Variants in ITGAV observed in about 807,000 individuals in gnomAD.
The protein encoded by ITGAV is integrin subunit alpha V, also known as integrin alpha-V.
In ITGAV, 76 loss-of-function variants were observed where a neutral mutation model predicts 143.8. The observed-to-expected ratio is 0.53, with a 90% CI of 0.44 to 0.64. ITGAV has a LOEUF of 0.64. Ranked by LOEUF, ITGAV falls within the 30% of genes least tolerant of loss-of-function variation. The pLI, the probability that ITGAV is intolerant of heterozygous loss-of-function variation, is 0.00. For synonymous variants in ITGAV, 453 were observed against 446.7 expected (o/e 1.01, Z -0.18); for missense variants, 1,193 against 1,274.7 (o/e 0.94, Z 0.98).
intron 2 of ITGAV, among the ~76,000 whole-genome samples, chr2:186,618,714 A>G (rs767444593): frequency 6.8e-6 from 1 of 148,096 alleles, no homozygotes; most frequent in Non-Finnish European, 1.5e-5. Flanking sequence ...CAGGAATATA[A>G]TAATTGAGAA....
chr2:186,649,446 T>TTA (rs1017914979), intron 13 of ITGAV, among the ~76,000 whole-genome samples: 20 of 151,970 alleles, frequency 1.3e-4, no homozygotes, highest in African/African-American at 4.8e-4. Context: ...CTATAGTATT[T>TTA]TATATATATA....
At chr2:186,601,946 T>C (rs1686919051) in intron 1 of ITGAV, 75 bp from the exon 2 acceptor site, 1 of 1,395,850 alleles carries the variant, frequency 7.2e-7, no homozygotes, top group African/African-American at 1.4e-5. Context: ...AGAGAATGAT[T>C]GCTCCTCATA....
intron 18 of ITGAV, among the ~76,000 whole-genome samples, chr2:186,660,181 T>C (rs188547588): frequency 1.3e-5 from 2 of 152,294 alleles, no homozygotes; most frequent in East Asian, 3.9e-4. Context: ...AAATCTTTTA[T>C]TATCATTGTT....
In ITGAV at chr2:186,656,364, G is replaced by C; in HGVS notation, c.1682G>C (p.Gly561Ala). 5.8e-6 allele frequency: 9 copies of C among 1,547,188 alleles called. No individual in the cohort carries two copies. Among genetic ancestry groups the C allele is most frequent in the South Asian group, 3.8e-5 (3 of 78,994 alleles). Residue 561 changes from glycine (G) to alanine (A), a missense_variant, in exon 17 of 30, where the codon GGA (glycine) becomes GCA (alanine). Coordinates refer to ENST00000261023, the MANE Select transcript of ITGAV (RefSeq NM_002210.5). ...HSKNMTISRGGLMQCEELIAY... is the reference protein window; with the variant it reads ...HSKNMTISRGALMQCEELIAY... Reference sequence around the variant, plus strand: ...AAGAACATGACTATTTCAAGGGGGGGACTGATGCAGTGTGAGGAATTGATA... The same window carrying C: ...AAGAACATGACTATTTCAAGGGGGGCACTGATGCAGTGTGAGGAATTGATA...
At chr2:186,612,850 T>G (rs916150968) in intron 2 of ITGAV, among the ~76,000 whole-genome samples, 1 of 152,162 alleles carries the variant, frequency 6.6e-6, no homozygotes, top group Non-Finnish European at 1.5e-5. Flanking sequence ...GTAGTTTCCC[T>G]TCCCTTGTTA....
At chr2:186,670,257 C>G (rs1689028438) in intron 26 of ITGAV, among the ~76,000 whole-genome samples, 2 of 152,118 alleles carry the variant, frequency 1.3e-5, no homozygotes, top group Admixed American at 1.3e-4. Context: ...ATTAACAAAT[C>G]TCCAGATCTC....
At chr2:186,607,731 A>G (rs1037821876) in intron 2 of ITGAV, among the ~76,000 whole-genome samples, 2 of 152,094 alleles carry the variant, frequency 1.3e-5, no homozygotes, top group South Asian at 4.2e-4. Context: ...GGTTATTAAA[A>G]CCACTTTCTA....
In ITGAV at chr2:186,670,413, C is replaced by T. The variant is rs577981178; in HGVS notation, c.2706+599C>T. On this transcript the variant is annotated intron_variant, in intron 26 of 29. Transcript: ENST00000261023. ...CCTCCCAGGCTCAAGCAATCCTCCC[C>T]TATCAGTCCCCCAAGTAGCTAGGAC... Among the ~76,000 whole-genome samples the T allele has an allele frequency of 1.6e-4, 25 of 152,126 alleles. No individual in the cohort carries two copies. The Middle Eastern group carries it at 0.014, about 83-fold the overall frequency.
intron 2 of ITGAV, among the ~76,000 whole-genome samples, chr2:186,611,481 C>T (rs1046409551): frequency 6.6e-6 from 1 of 152,096 alleles, no homozygotes; most frequent in African/African-American, 2.4e-5. Flanking sequence ...CCCATCTCAG[C>T]CTCCCAAAGT....
rs147646194 is a variant in ITGAV at position 186,619,520 on chromosome 2, G to A, written c.317-2819G>A. Among the ~76,000 whole-genome samples, 68 of 151,628 alleles carry A rather than the reference G, an allele frequency of 4.5e-4. 1 individual carries two copies. The highest frequency in any genetic ancestry group is 3.4e-3 in the Middle Eastern group (1 of 294). On this transcript the variant is annotated intron_variant, in intron 2 of 29. Transcript: ENST00000261023. ...TTATTATAGTTAAAAATAATGTATT[G>A]TCTAATTTCAAATAGGTAGAAGGAA... is the stretch of plus-strand genomic sequence containing the variant.
At chr2:186,639,783 G>A (rs1688051474) in intron 10 of ITGAV, among the ~76,000 whole-genome samples, 1 of 152,060 alleles carries the variant, frequency 6.6e-6, no homozygotes, top group African/African-American at 2.4e-5. Flanking sequence ...GAAAACATTC[G>A]AATCATAGTG....
At chr2:186,618,063 ACTT>A (rs1435905510) in intron 2 of ITGAV, among the ~76,000 whole-genome samples, 1 of 152,134 alleles carries the variant, frequency 6.6e-6, no homozygotes, top group Non-Finnish European at 1.5e-5. Flanking sequence ...TCATGAATGA[ACTT>A]CTTGTCAGTT....
intron 24 of ITGAV, chr2:186,668,006 T>C (rs951542487): frequency 4.2e-6 from 1 of 235,406 alleles, no homozygotes; most frequent in African/African-American, 2.3e-5. Context: ...TTAAAATAAA[T>C]TAGTTCTACT....
chr2:186,625,549 A>G lies in ITGAV; in HGVS notation c.485A>G (p.Asp162Gly). The G allele has an allele frequency of 6.2e-7, 1 of 1,613,866 alleles. No individual in the cohort carries two copies. The highest frequency in any genetic ancestry group is 2.2e-5 in the East Asian group (1 of 44,864). Residue 162 changes from aspartate (D) to glycine (G), a missense_variant, in exon 4 of 30, where the codon GAT becomes GGT. Physicochemically the swap from Asp to Gly is moderately conservative, Grantham distance 94. Transcript: ENST00000261023. ...REPVGTCFLQDGTKTVEYAPC... is the reference protein window; with the variant it reads ...REPVGTCFLQGGTKTVEYAPC... ...CCTGTTGGAACATGCTTTCTTCAAG[A>G]TGGAACAAAGACTGTTGAGTATGCT...
intron 1 of ITGAV, among the ~76,000 whole-genome samples, chr2:186,598,867 A>C (rs1686821144): frequency 6.6e-6 from 1 of 152,158 alleles, no homozygotes; most frequent in African/African-American, 2.4e-5. Flanking sequence ...TCTATTAAAT[A>C]GGGCGTGGTT....
intron 22 of ITGAV, 43 bp downstream of exon 22, chr2:186,666,826 A>AT: frequency 2.2e-5 from 23 of 1,061,374 alleles, no homozygotes; most frequent in Non-Finnish European, 3.0e-5. Flanking sequence ...TCAAATAAAT[A>AT]TTATTTGTTG....
chr2:186,672,154 A>G (rs1338325394), intron 26 of ITGAV, among the ~76,000 whole-genome samples: 4 of 151,814 alleles, frequency 2.6e-5, no homozygotes, highest in East Asian at 1.9e-4. Flanking sequence ...GGGTTTCACC[A>G]TGTTAGCCAG....
intron 7 of ITGAV, 54 bp from the exon 8 acceptor site, chr2:186,637,011 T>G: frequency 6.9e-7 from 1 of 1,448,942 alleles, no homozygotes; most frequent in South Asian, 1.1e-5. Flanking sequence ...TCAGCAAGCC[T>G]GCTGAAGATA....
chr2:186,622,717 G>T (rs1687565564), intron 3 of ITGAV, among the ~76,000 whole-genome samples: 1 of 152,092 alleles, frequency 6.6e-6, no homozygotes, highest in Admixed American at 6.5e-5. Flanking sequence ...TAGGAATAGT[G>T]TGGCTTTGGC....
Sources: gnomAD v4.1 joint callset for allele counts (sites outside exome capture counted in the v4.1 genomes callset) on GRCh38, gnomAD v4.1.1 for gene constraint, MANE v1.5 for transcripts, NCBI Gene and HGNC (gene_info 2026-07-23, HGNC 2026-07-21) for gene names.